Variants in NFASC observed in about 807,000 individuals in gnomAD.
The protein encoded by NFASC is neurofascin.
NFASC carries 43 observed loss-of-function variants against 147.5 expected under a neutral mutation model. That is an observed-to-expected ratio of 0.29 (90% confidence interval 0.23 to 0.38). NFASC has a LOEUF of 0.38. Among genes scored for constraint, NFASC ranks in the 10% least tolerant of loss-of-function variants. The probability of loss-of-function intolerance (pLI) is 1.00; values close to 1 mark genes in which losing one functional copy is unlikely to be tolerated. For synonymous variants in NFASC, 622 were observed against 665.5 expected, an observed-to-expected ratio of 0.93 and a Z score of 1.01; for missense variants, 1,320 against 1,689.0, an observed-to-expected ratio of 0.78 and a Z score of 3.83.
chr1:204,955,134 C>A (rs79989879), intron 7 of NFASC, among the ~76,000 whole-genome samples, 183 bp downstream of exon 7: 2,749 of 152,272 alleles, frequency 0.018, 77 homozygotes, highest in African/African-American at 0.062. Context: ...TATTTTCTAG[C>A]CTGGCTGCTG....
At chr1:204,845,613 A>G (rs60840320) in intron 1 of NFASC, among the ~76,000 whole-genome samples, 8,071 of 152,202 alleles carry the variant, frequency 0.053, 612 homozygotes, top group African/African-American at 0.17. Context: ...TTGAAAGATG[A>G]AACTCTGGCC....
chr1:204,915,575 A>G (rs1339485948), intron 1 of NFASC, among the ~76,000 whole-genome samples: 1 of 152,174 alleles, frequency 6.6e-6, no homozygotes, highest in Non-Finnish European at 1.5e-5. Flanking sequence ...TACTGTATAT[A>G]GTTTTGTATC....
chr1:204,834,341 G>T (rs1673074852), intron 1 of NFASC, among the ~76,000 whole-genome samples: 1 of 152,176 alleles, frequency 6.6e-6, no homozygotes, highest in Admixed American at 6.5e-5. Context: ...GTGTTTCTGG[G>T]ATTTATGTCA....
At chr1:204,845,049 G>A (rs188809430) in intron 1 of NFASC, among the ~76,000 whole-genome samples, 282 of 152,280 alleles carry the variant, frequency 1.9e-3, no homozygotes, top group African/African-American at 6.5e-3. Flanking sequence ...AAGTTTGGTA[G>A]TTACCCAAGG....
rs953885369 is a variant in NFASC at position 205,015,845 on chromosome 1, C to T, written c.3492-463C>T. 1.3e-5 allele frequency among the ~76,000 whole-genome samples: 2 copies of T among 152,122 alleles called. No homozygotes were observed. The highest frequency in any genetic ancestry group is 1.3e-4 in the Admixed American group (2 of 15,286). The stretch of plus-strand genomic sequence containing the variant: ...TTGTCAAGGCGAGAGTGTTTCCCTA[C>T]AGAGTCACAGGTCTTGGGAGATCAA... On this transcript the variant is annotated intron_variant, in intron 29 of 29. Coordinates refer to ENST00000339876, the MANE Select transcript of NFASC (RefSeq NM_001005388.3). This position sits in a 1 kb window ranked among gnomAD's most constrained non-coding sequence, Gnocchi z 4.0.
rs141881944 is a variant in NFASC, at chr1:204,887,307, C to T, written c.-199-33325C>T. 2.5e-3 allele frequency among the ~76,000 whole-genome samples: 388 copies of T among 152,264 alleles called. 1 individual carries two copies. Among genetic ancestry groups the T allele is most frequent in the African/African-American group, 8.5e-3 (354 of 41,554 alleles). ...TAGCATGAATGTCTTCAAGGTTCAT[C>T]CAGGTTGTAGCATGAGTCAAAATTT... On this transcript the variant is annotated intron_variant, in intron 1 of 29. Transcript: ENST00000339876.
chr1:204,949,231 T>C (rs2093965292), intron 3 of NFASC, among the ~76,000 whole-genome samples: 2 of 152,358 alleles, frequency 1.3e-5, no homozygotes, highest in East Asian at 3.9e-4. Flanking sequence ...CCTGCCACAC[T>C]CTGCCCCTCC....
At chr1:204,934,751 C>T (rs932247278) in intron 2 of NFASC, among the ~76,000 whole-genome samples, 5 of 152,198 alleles carry the variant, frequency 3.3e-5, no homozygotes, top group African/African-American at 1.2e-4. Flanking sequence ...CATTCCTAAA[C>T]CAGTCGTGGT....
intron 1 of NFASC, among the ~76,000 whole-genome samples, chr1:204,874,768 G>A (rs915008525): frequency 6.6e-5 from 10 of 152,146 alleles, no homozygotes; most frequent in African/African-American, 2.4e-4. Context: ...TTAAAGGAGG[G>A]CCCGGTGATA....
At chr1:204,885,709 T>C (rs1027000456) in intron 1 of NFASC, among the ~76,000 whole-genome samples, 1 of 152,232 alleles carries the variant, frequency 6.6e-6, no homozygotes, top group African/African-American at 2.4e-5. Flanking sequence ...CTTAGCCTAG[T>C]GAAGATTCTT....
chr1:204,991,375 G>C, intron 24 of NFASC, 69 bp downstream of exon 24: 1 of 1,540,962 alleles, frequency 6.5e-7, no homozygotes, highest in Non-Finnish European at 8.9e-7. Flanking sequence ...GCCCAGCCAG[G>C]GCGGACAAGG....
At chr1:204,861,157 T>C (rs989585933) in intron 1 of NFASC, among the ~76,000 whole-genome samples, 1 of 137,452 alleles carries the variant, frequency 7.3e-6, no homozygotes, top group Non-Finnish European at 1.5e-5. Flanking sequence ...GGTGCAATCA[T>C]CTGTCACTGC....
At chr1:204,849,329 C>A (rs2075456718) in intron 1 of NFASC, among the ~76,000 whole-genome samples, 1 of 152,196 alleles carries the variant, frequency 6.6e-6, no homozygotes, top group Non-Finnish European at 1.5e-5. Context: ...ACCATCATCT[C>A]CTTATCCAGG....
At chr1:204,914,990 A>G (rs1235377374) in intron 1 of NFASC, among the ~76,000 whole-genome samples, 1 of 152,198 alleles carries the variant, frequency 6.6e-6, no homozygotes, top group African/African-American at 2.4e-5. Flanking sequence ...TTAAAATAAC[A>G]AGGCACGCTG....
Position 204,954,167 on chromosome 1 carries a change from A to G in NFASC, c.216-21A>G. Reference sequence around the variant, plus strand: ...GCCCACCCCATTCGTCTTGGTTGCCACTGCTCCCCACTCTCCACAGCTTCC... The same window carrying G: ...GCCCACCCCATTCGTCTTGGTTGCCGCTGCTCCCCACTCTCCACAGCTTCC... On this transcript the variant is annotated intron_variant, in intron 5 of 29. Coordinates refer to ENST00000339876, the MANE Select transcript of NFASC (RefSeq NM_001005388.3). This position sits in a 1 kb window ranked among gnomAD's most constrained non-coding sequence, Gnocchi z 5.7. The G allele has an allele frequency of 6.2e-7, 1 of 1,613,174 alleles. No individual in the cohort carries two copies. The highest frequency in any genetic ancestry group is 8.5e-7 in the Non-Finnish European group (1 of 1,179,236).
intron 7 of NFASC, among the ~76,000 whole-genome samples, chr1:204,955,218 A>G (rs1447550645): frequency 6.6e-6 from 1 of 152,222 alleles, no homozygotes; most frequent in African/African-American, 2.4e-5. Flanking sequence ...TCTGGAAAAA[A>G]ACAGAGCTAA....
At chr1:204,926,398 ATATATATATT>A (rs2091535644) in intron 2 of NFASC, among the ~76,000 whole-genome samples, 1 of 94,620 alleles carries the variant, frequency 1.1e-5, no homozygotes, top group South Asian at 3.6e-4. Flanking sequence ...ATATATATAT[ATATATATATT>A]TTTTTTTTTT....
At chr1:204,906,721 T>A (rs575879294) in intron 1 of NFASC, among the ~76,000 whole-genome samples, 1 of 152,078 alleles carries the variant, frequency 6.6e-6, no homozygotes, top group South Asian at 2.1e-4. Flanking sequence ...CTCGCTCTGT[T>A]GCCCAGGCTG....
chr1:204,878,412 T>G (rs1045776662), intron 1 of NFASC, among the ~76,000 whole-genome samples: 3 of 152,214 alleles, frequency 2.0e-5, no homozygotes, highest in Non-Finnish European at 4.4e-5. Context: ...TTGCACTAAC[T>G]TAATAACTCC....
Sources: gnomAD v4.1 joint callset for allele counts (sites outside exome capture counted in the v4.1 genomes callset) on GRCh38, gnomAD v4.1.1 for gene constraint, Gnocchi (gnomAD v3.1) non-coding constraint, MANE v1.5 for transcripts, NCBI Gene and HGNC (gene_info 2026-07-23, HGNC 2026-07-21) for gene names.